The following ZNF609 variants were observed in gnomAD, a reference collection of about 807,000 sequenced individuals.
The protein encoded by ZNF609 is zinc finger protein 609.
A neutral mutation model predicts 109.5 loss-of-function variants in ZNF609; 11 were observed. The ratio of observed to expected loss-of-function variants is 0.10; its 90% CI spans 0.06 to 0.17. The LOEUF (loss-of-function observed/expected upper bound fraction) is 0.17. Ranked by LOEUF, ZNF609 falls within the 10% of genes least tolerant of loss-of-function variation. The pLI is 1.00. For synonymous variants in ZNF609, 646 were observed against 662.0 expected (o/e 0.98, Z 0.37); for missense variants, 1,559 against 1,772.4 (o/e 0.88, Z 2.16).
At chr15:64,540,811 C>T (rs1172560095) in intron 2 of ZNF609, among the ~76,000 whole-genome samples, 6 of 149,364 alleles carry the variant, frequency 4.0e-5, no homozygotes, top group African/African-American at 1.2e-4. Flanking sequence ...GGGCGGATCA[C>T]GAGGTCAAGA....
intron 2 of ZNF609, among the ~76,000 whole-genome samples, chr15:64,543,059 A>G (rs1373995651): frequency 1.3e-5 from 2 of 152,168 alleles, no homozygotes; most frequent in African/African-American, 4.8e-5. Flanking sequence ...CTTAAAACCT[A>G]GATGACGGGT....
rs1173916606 is a variant in ZNF609, at chr15:64,675,069, A to G, written c.2215A>G (p.Lys739Glu). 6.2e-7 allele frequency: 1 copy of G among 1,614,104 alleles called. No individual in the cohort carries two copies. The highest frequency in any genetic ancestry group is 1.3e-5 in the African/African-American group (1 of 74,934). ...AGACAAAAAAAAGAAGGAATCTTCAAAGGAACTTGAAAGTCCTCTGACCCC... is the reference window on the plus strand; with the variant it reads ...AGACAAAAAAAAGAAGGAATCTTCAGAGGAACTTGAAAGTCCTCTGACCCC... Reference protein sequence around the residue: ...KKDKKKKESSKELESPLTPGK... With the variant: ...KKDKKKKESSEELESPLTPGK... The change falls in exon 5 of 10, where the codon AAG becomes GAG. Residue 739 changes from lysine to glutamate, a missense_variant. Coordinates refer to ENST00000326648, the MANE Select transcript of ZNF609 (RefSeq NM_015042.2).
Position 64,473,973 on chromosome 15 carries a change from C to T in ZNF609, c.-128+13135C>T, listed in dbSNP as rs572846225. Among the ~76,000 whole-genome samples the T allele has an allele frequency of 1.1e-4, 17 of 152,046 alleles. 2 individuals are homozygous for T. The highest frequency in any genetic ancestry group is 6.6e-4 in the Admixed American group (10 of 15,262). The stretch of plus-strand genomic sequence containing the variant: ...TATTTTTAGTAGAGATGGGGTTTCA[C>T]CATCTTGGCCAGGCTGGTCTTGAAC... On this transcript the variant is annotated intron_variant, in intron 1 of 9. Coordinates refer to ENST00000326648, the MANE Select transcript of ZNF609 (RefSeq NM_015042.2).
chr15:64,672,919 G>A (rs1357597704), intron 4 of ZNF609, among the ~76,000 whole-genome samples: 2 of 149,612 alleles, frequency 1.3e-5, no homozygotes, highest in African/African-American at 5.0e-5. Flanking sequence ...AGCCGAGATC[G>A]TGCCACTGCG....
Position 64,607,816 on chromosome 15 carries a change from CTTCTTTCTTTCTTTCTTTCT to C in ZNF609, c.748-14965_748-14946del, listed in dbSNP as rs71133456. Among the ~76,000 whole-genome samples, 768 of 98,936 alleles carry C rather than the reference CTTCTTTCTTTCTTTCTTTCT, an allele frequency of 7.8e-3. 70 individuals are homozygous for C. Among genetic ancestry groups the C allele is most frequent in the African/African-American group, 0.03 (658 of 21,668 alleles). The allele number at this position is 98,936 out of a possible 152,430, so 64.9% of individuals were successfully genotyped here. Reference sequence around the variant, plus strand: ...TACTGCACCTGGCCTTAAATGTTTTCTTCTTTCTTTCTTTCTTTCTTTCTTTCTTTCTTTCTTTCTTTCTT... The same window carrying C: ...TACTGCACCTGGCCTTAAATGTTTTCTTCTTTCTTTCTTTCTTTCTTTCTT... On this transcript the variant is annotated intron_variant, in intron 2 of 9. Transcript: ENST00000326648.
chr15:64,613,624 C>T (rs1188263859), intron 2 of ZNF609, among the ~76,000 whole-genome samples: 1 of 152,060 alleles, frequency 6.6e-6, no homozygotes, highest in African/African-American at 2.4e-5. Context: ...GATCTCAGCT[C>T]ACTGCAGCCG....
chr15:64,622,986 T>C lies in ZNF609; in HGVS notation c.907T>C (p.Leu303=), dbSNP rs775718367. 1 of 1,614,232 alleles carries C rather than the reference T, an allele frequency of 6.2e-7. No homozygotes were observed. Among genetic ancestry groups the C allele is most frequent in the Non-Finnish European group, 8.5e-7 (1 of 1,180,032 alleles). The change falls in exon 3 of 10, where the codon TTG becomes CTG. Residue 303 remains leucine (L), a synonymous_variant. Transcript: ENST00000326648. ...GGCTCTGGCCACAGAGCCTGAGTGC[T>C]TGGGCCCCTGTGAACCTGGAACTAG... ...DVALATEPEC[L]GPCEPGTSVN...
chr15:64,587,400 A>G (rs1468556719), intron 2 of ZNF609, among the ~76,000 whole-genome samples: 3 of 152,060 alleles, frequency 2.0e-5, no homozygotes, highest in African/African-American at 7.2e-5. Flanking sequence ...AATTAGTAGT[A>G]GGGCTTCAGT....
intron 2 of ZNF609, among the ~76,000 whole-genome samples, chr15:64,613,889 T>G (rs1895755967): frequency 1.3e-5 from 2 of 151,852 alleles, no homozygotes; most frequent in African/African-American, 4.8e-5. Context: ...AAAATTCCAG[T>G]CAACAGAAAG....
At chr15:64,631,068 C>A in intron 3 of ZNF609, 1 of 370,902 alleles carries the variant, frequency 2.7e-6, no homozygotes, top group African/African-American at 2.1e-5. Flanking sequence ...TGAAGAGAAA[C>A]ATTTTTACAG....
chr15:64,594,452 C>T (rs1469111553), intron 2 of ZNF609, among the ~76,000 whole-genome samples: 1 of 151,820 alleles, frequency 6.6e-6, no homozygotes, highest in Non-Finnish European at 1.5e-5. Flanking sequence ...CTCACCTCAG[C>T]CACCTCAGTA....
chr15:64,646,726 G>A (rs1896340562), intron 3 of ZNF609, among the ~76,000 whole-genome samples: 1 of 150,770 alleles, frequency 6.6e-6, no homozygotes, highest in Non-Finnish European at 1.5e-5. Context: ...ATCACTTGAG[G>A]TCAGGAGTTC....
At chr15:64,606,022 T>C (rs1352932111) in intron 2 of ZNF609, among the ~76,000 whole-genome samples, 3 of 147,850 alleles carry the variant, frequency 2.0e-5, no homozygotes, top group Non-Finnish European at 3.0e-5. Context: ...CCCAAAGTGC[T>C]GGGATTACAG....
chr15:64,678,013 CTAGTACT>C, intron 5 of ZNF609, 96 bp from the exon 6 acceptor site: 1 of 1,444,204 alleles, frequency 6.9e-7, no homozygotes, highest in Admixed American at 2.1e-5. Flanking sequence ...CCCCAGGTGT[CTAGTACT>C]AATTATCTGC....
intron 1 of ZNF609, among the ~76,000 whole-genome samples, chr15:64,469,792 G>C (rs1388405999): frequency 6.6e-6 from 1 of 152,186 alleles, no homozygotes; most frequent in Admixed American, 6.5e-5. Context: ...ACTTTGGGAG[G>C]CCGAGGCGGG....
At chr15:64,531,847 AACCTATG>A (rs1182486152) in intron 2 of ZNF609, among the ~76,000 whole-genome samples, 2 of 152,176 alleles carry the variant, frequency 1.3e-5, no homozygotes, top group African/African-American at 2.4e-5. Flanking sequence ...CTCTCTTTCT[AACCTATG>A]TCCCTTGCTT....
intron 2 of ZNF609, among the ~76,000 whole-genome samples, chr15:64,546,140 G>A (rs1010561396): frequency 1.3e-5 from 2 of 152,212 alleles, no homozygotes; most frequent in Non-Finnish European, 2.9e-5. Context: ...GAGAGTTCTA[G>A]TTGCTGCAAA....
chr15:64,573,346 CTTTTTTTTTTT>C (rs71133442), intron 2 of ZNF609, among the ~76,000 whole-genome samples: 6 of 72,950 alleles, frequency 8.2e-5, no homozygotes, highest in Admixed American at 2.2e-4. Flanking sequence ...GCCCAACTTT[CTTTTTTTTTTT>C]TTTTTTTTTT....
At chr15:64,669,160 G>A (rs1041356552) in intron 3 of ZNF609, among the ~76,000 whole-genome samples, 1 of 152,012 alleles carries the variant, frequency 6.6e-6, no homozygotes, top group Non-Finnish European at 1.5e-5. Context: ...TGGTTTGGCC[G>A]TATTTGTGAG....
Sources: gnomAD v4.1 joint callset for allele counts (sites outside exome capture counted in the v4.1 genomes callset) on GRCh38, gnomAD v4.1.1 for gene constraint, MANE v1.5 for transcripts, NCBI Gene and HGNC (gene_info 2026-07-23, HGNC 2026-07-21) for gene names.